The following UMAD1 variants were observed in gnomAD, a reference collection of about 807,000 sequenced individuals.
The protein encoded by UMAD1 is UBAP1-MVB12-associated (UMA)-domain containing protein 1.
In UMAD1, 8 loss-of-function variants were observed where a neutral mutation model predicts 6.1. The observed-to-expected ratio is 1.30, with a 90% CI of 0.76 to 2.35. The LOEUF (loss-of-function observed/expected upper bound fraction) is 2.35, where lower values mean the gene tolerates loss of function less well. Ranked by LOEUF, UMAD1 falls within the 30% of genes most tolerant of loss-of-function variation. The pLI, the probability that UMAD1 is intolerant of heterozygous loss-of-function variation, is 0.00. For synonymous variants in UMAD1, 56 were observed against 31.4 expected (o/e 1.78, Z -2.61); for missense variants, 130 against 78.4 (o/e 1.66, Z -2.49).
chr7:7,657,740 TA>T (rs1236624927), intron 1 of UMAD1, among the ~76,000 whole-genome samples: 2 of 152,196 alleles, frequency 1.3e-5, no homozygotes, highest in African/African-American at 2.4e-5. Flanking sequence ...TGAAGTCAGG[TA>T]GTGTGATGCC....
At chr7:7,657,043 G>A (rs1425023898) in intron 1 of UMAD1, among the ~76,000 whole-genome samples, 2 of 152,106 alleles carry the variant, frequency 1.3e-5, no homozygotes, top group African/African-American at 2.4e-5. Flanking sequence ...TTGTGGTTTT[G>A]ATTTGCATTT....
chr7:7,677,562 T>C (rs1432296604), intron 2 of UMAD1, among the ~76,000 whole-genome samples: 4 of 152,202 alleles, frequency 2.6e-5, no homozygotes, highest in Non-Finnish European at 5.9e-5. Context: ...TAGTACCATC[T>C]ATGTTGTTGC....
At chr7:7,685,175 G>A (rs923548607) in intron 2 of UMAD1, among the ~76,000 whole-genome samples, 22 of 152,050 alleles carry the variant, frequency 1.4e-4, no homozygotes, top group African/African-American at 5.3e-4. Context: ...AGACCTGAAT[G>A]TCTTTCTGGT....
At chr7:7,784,914 C>T (rs1782431423) in intron 2 of UMAD1, among the ~76,000 whole-genome samples, 1 of 151,948 alleles carries the variant, frequency 6.6e-6, no homozygotes, top group Non-Finnish European at 1.5e-5. Flanking sequence ...AGGCGCCCGC[C>T]ACCTCGCCCG....
chr7:7,720,777 C>T (rs2115183032), intron 2 of UMAD1, among the ~76,000 whole-genome samples: 1 of 152,238 alleles, frequency 6.6e-6, no homozygotes, highest in East Asian at 1.9e-4. Context: ...TGCAGGTGTG[C>T]TGCCTTCTAG....
intron 3 of UMAD1, among the ~76,000 whole-genome samples, chr7:7,820,222 A>G (rs925858723): frequency 8.7e-5 from 4 of 45,818 alleles, no homozygotes; most frequent in Admixed American, 2.1e-4. Context: ...TAAATTATAG[A>G]TAAATTATAG....
chr7:7,709,494 G>A (rs956414136), intron 2 of UMAD1, among the ~76,000 whole-genome samples: 2 of 152,166 alleles, frequency 1.3e-5, no homozygotes, highest in African/African-American at 4.8e-5. Flanking sequence ...GGAACTGTGT[G>A]GAGAGAAGGT....
At chr7:7,763,543 A>T (rs1057304200) in intron 2 of UMAD1, among the ~76,000 whole-genome samples, 1 of 152,218 alleles carries the variant, frequency 6.6e-6, no homozygotes, top group Non-Finnish European at 1.5e-5. Context: ...TCATTGGAGT[A>T]ACAAAGACGT....
intron 2 of UMAD1, among the ~76,000 whole-genome samples, chr7:7,788,721 G>A (rs1268727236): frequency 6.6e-6 from 1 of 151,984 alleles, no homozygotes; most frequent in African/African-American, 2.4e-5. Flanking sequence ...GAGTTGGTGG[G>A]GGTGGGGACT....
chr7:7,743,468 G>A (rs1781513343), intron 2 of UMAD1, among the ~76,000 whole-genome samples: 1 of 151,998 alleles, frequency 6.6e-6, no homozygotes. Flanking sequence ...GTTCAGTAGT[G>A]TTTAAAGATG....
At chr7:7,676,783 A>G (rs911936928) in intron 2 of UMAD1, among the ~76,000 whole-genome samples, 13 of 152,262 alleles carry the variant, frequency 8.5e-5, no homozygotes, top group African/African-American at 3.1e-4. Context: ...ATTAGTGAAA[A>G]CATCCTTCAG....
chr7:7,742,558 G>T, intron 2 of UMAD1: 2 of 518,760 alleles, frequency 3.9e-6, no homozygotes. Context: ...CGCTTTCGGC[G>T]CCATCTTGTG....
chr7:7,876,245 C>G (rs1008446787), intron 3 of UMAD1, among the ~76,000 whole-genome samples: 2 of 151,918 alleles, frequency 1.3e-5, no homozygotes, highest in East Asian at 3.9e-4. Flanking sequence ...TCGGTGTGCA[C>G]GAGCAAGCAC....
intron 2 of UMAD1, among the ~76,000 whole-genome samples, chr7:7,778,100 A>G (rs1214050721): frequency 6.6e-6 from 1 of 152,146 alleles, no homozygotes; most frequent in Non-Finnish European, 1.5e-5. Flanking sequence ...ATATTATGAC[A>G]TTGTATGTCT....
chr7:7,738,087 C>T (rs185533394), intron 2 of UMAD1, among the ~76,000 whole-genome samples: 12 of 150,376 alleles, frequency 8.0e-5, no homozygotes, highest in Admixed American at 4.0e-4. Flanking sequence ...AATACATAAA[C>T]GGGTATATTT....
chr7:7,729,121 T>C (rs1461168235), intron 2 of UMAD1, among the ~76,000 whole-genome samples: 2 of 151,936 alleles, frequency 1.3e-5, no homozygotes, highest in East Asian at 3.9e-4. Context: ...AAGGGAGAGG[T>C]GAGTTTGAGA....
chr7:7,674,362 G>A (rs1211420871), intron 2 of UMAD1, among the ~76,000 whole-genome samples: 2 of 152,166 alleles, frequency 1.3e-5, no homozygotes, highest in Non-Finnish European at 2.9e-5. Context: ...AGAAATAAGG[G>A]ATGTTTCCCT....
intron 3 of UMAD1, among the ~76,000 whole-genome samples, chr7:7,809,937 A>G (rs1367876103): frequency 1.3e-5 from 2 of 152,044 alleles, no homozygotes; most frequent in Non-Finnish European, 2.9e-5. Flanking sequence ...TGTGATACAG[A>G]CTTTGGTTAC....
intron 3 of UMAD1, among the ~76,000 whole-genome samples, chr7:7,847,101 AAAAATATATATATATATATATATAT>A (rs1374040583): frequency 0.013 from 403 of 32,176 alleles, 50 homozygotes; most frequent in Non-Finnish European, 0.015. Context: ...AAAAAAAAAA[AAAAATATATATATATATATATATAT>A]ATATATATAT....
Sources: allele counts gnomAD v4.1 joint callset (sites outside exome capture counted in the v4.1 genomes callset), GRCh38; gene constraint gnomAD v4.1.1; transcripts MANE v1.5; gene names NCBI Gene and HGNC (gene_info 2026-07-23, HGNC 2026-07-21).